TBC1D5: variants seen among roughly 807,000 people sequenced by gnomAD.
TBC1D5 encodes the protein TBC1 domain family, member 5.
TBC1D5 carries 75 observed loss-of-function variants against 100.3 expected under a neutral mutation model. That is an observed-to-expected ratio of 0.75 (90% CI 0.62 to 0.91). TBC1D5 has a LOEUF of 0.91. Among genes scored for constraint, TBC1D5 ranks in the 40% least tolerant of loss-of-function variants. The pLI, the probability that TBC1D5 is intolerant of heterozygous loss-of-function variation, is 0.00. For synonymous variants in TBC1D5, 323 were observed against 325.6 expected (o/e 0.99, Z 0.09); for missense variants, 910 against 942.4 (o/e 0.97, Z 0.45).
intron 17 of TBC1D5, among the ~76,000 whole-genome samples, chr3:17,217,360 C>G (rs1275669395): frequency 6.6e-6 from 1 of 152,048 alleles, no homozygotes; most frequent in Non-Finnish European, 1.5e-5. Flanking sequence ...TTTATGTGGA[C>G]ATATTGTTTC....
chr3:17,492,752 A>C (rs2095655066), intron 3 of TBC1D5, among the ~76,000 whole-genome samples: 1 of 152,136 alleles, frequency 6.6e-6, no homozygotes, highest in Non-Finnish European at 1.5e-5. Flanking sequence ...TTCCATCTTA[A>C]CACTGCTTCA....
intron 2 of TBC1D5, among the ~76,000 whole-genome samples, chr3:17,599,386 A>G (rs1439473308): frequency 6.6e-6 from 1 of 152,126 alleles, no homozygotes; most frequent in Admixed American, 6.5e-5. Context: ...GGTCGAGAGG[A>G]GTTCGGTTGG....
chr3:17,706,163 A>G, intron 1 of TBC1D5: 2 of 1,577,276 alleles, frequency 1.3e-6, no homozygotes, highest in South Asian at 2.3e-5. Context: ...TGGGGGAGAC[A>G]TCGGCAGGCA....
At chr3:17,468,647 T>C (rs1173747898) in intron 3 of TBC1D5, among the ~76,000 whole-genome samples, 1 of 152,142 alleles carries the variant, frequency 6.6e-6, no homozygotes, top group Non-Finnish European at 1.5e-5. Context: ...AACACAGCTG[T>C]AGAACTTAGA....
At chr3:17,676,323 G>A (rs575668229) in intron 1 of TBC1D5, among the ~76,000 whole-genome samples, 6 of 152,050 alleles carry the variant, frequency 3.9e-5, no homozygotes, top group South Asian at 2.1e-4. Flanking sequence ...CAAACTTAAC[G>A]TGCAAAAATC....
At chr3:17,493,595 C>T (rs540781642) in intron 3 of TBC1D5, among the ~76,000 whole-genome samples, 1 of 152,210 alleles carries the variant, frequency 6.6e-6, no homozygotes, top group South Asian at 2.1e-4. Flanking sequence ...TTACATAACC[C>T]CATAGTTCTC....
At chr3:17,692,648 T>A (rs2071342587) in intron 1 of TBC1D5, among the ~76,000 whole-genome samples, 1 of 152,170 alleles carries the variant, frequency 6.6e-6, no homozygotes, top group Admixed American at 6.5e-5. Context: ...GAAAATTAAT[T>A]TTTTTAAAAA....
chr3:17,643,381 A>G (rs1423359107), intron 1 of TBC1D5, among the ~76,000 whole-genome samples: 1 of 151,984 alleles, frequency 6.6e-6, no homozygotes, highest in Non-Finnish European at 1.5e-5. Flanking sequence ...CCATAAAGTT[A>G]CTATTTTTCT....
intron 3 of TBC1D5, among the ~76,000 whole-genome samples, chr3:17,440,924 G>A (rs2094640602): frequency 1.3e-5 from 2 of 152,112 alleles, no homozygotes; most frequent in South Asian, 4.1e-4. Flanking sequence ...TTATGGTCAT[G>A]AGCCACCGTG....
chr3:17,164,666 T>G (rs1575683920), intron 21 of TBC1D5, among the ~76,000 whole-genome samples: 1 of 152,280 alleles, frequency 6.6e-6, no homozygotes, highest in East Asian at 1.9e-4. Flanking sequence ...CTTAGCCAGC[T>G]CCAAGCACTG....
chr3:17,299,037 A>G (rs2082545022), intron 14 of TBC1D5, among the ~76,000 whole-genome samples: 1 of 152,246 alleles, frequency 6.6e-6, no homozygotes, highest in Admixed American at 6.5e-5. Flanking sequence ...ATGGTAAAAG[A>G]TTAGCAACAA....
chr3:17,542,951 A>T (rs1176318122), intron 2 of TBC1D5, among the ~76,000 whole-genome samples: 1 of 152,242 alleles, frequency 6.6e-6, no homozygotes, highest in Admixed American at 6.5e-5. Context: ...TTTCTTGAAC[A>T]TACTTGCTCA....
intron 13 of TBC1D5, among the ~76,000 whole-genome samples, chr3:17,322,722 T>C (rs906731170): frequency 6.6e-6 from 1 of 152,196 alleles, no homozygotes; most frequent in African/African-American, 2.4e-5. Context: ...CCTTAAGTGT[T>C]TGCTAAATAG....
chr3:17,384,045 G>C, intron 8 of TBC1D5, 30 bp from the exon 9 acceptor site: 1 of 1,539,638 alleles, frequency 6.5e-7, no homozygotes, highest in African/African-American at 1.4e-5. Context: ...GATTGAAACT[G>C]ACTAACACAG....
intron 14 of TBC1D5, among the ~76,000 whole-genome samples, chr3:17,303,995 G>C (rs544792241): frequency 6.6e-6 from 1 of 151,966 alleles, no homozygotes; most frequent in East Asian, 1.9e-4. Context: ...ACCCTACTCT[G>C]CCTCACTCAC....
intron 4 of TBC1D5, among the ~76,000 whole-genome samples, chr3:17,411,879 A>T (rs564409455): frequency 6.6e-6 from 1 of 152,162 alleles, no homozygotes; most frequent in African/African-American, 2.4e-5. Context: ...GGGTACTTAC[A>T]GTTCTAATTA....
At chr3:17,204,961 T>G (rs571897928) in intron 18 of TBC1D5, among the ~76,000 whole-genome samples, 34 of 152,332 alleles carry the variant, frequency 2.2e-4, no homozygotes, top group Non-Finnish European at 4.4e-4. Context: ...TATAGTCTAC[T>G]CTTCCTGACC....
At chr3:17,568,179 T>C (rs1260495316) in intron 2 of TBC1D5, among the ~76,000 whole-genome samples, 1 of 151,514 alleles carries the variant, frequency 6.6e-6, no homozygotes, top group Non-Finnish European at 1.5e-5. Flanking sequence ...GGCAACTGTT[T>C]AGGAAAAATT....
At chr3:17,613,456 G>A (rs1482881998) in intron 2 of TBC1D5, among the ~76,000 whole-genome samples, 3 of 152,154 alleles carry the variant, frequency 2.0e-5, no homozygotes, top group Non-Finnish European at 4.4e-5. Flanking sequence ...TTCAGGAATC[G>A]CCACACTGCC....
Sources: gnomAD v4.1 joint callset for allele counts (sites outside exome capture counted in the v4.1 genomes callset) on GRCh38, gnomAD v4.1.1 for gene constraint, MANE v1.5 for transcripts, NCBI Gene and HGNC (gene_info 2026-07-23, HGNC 2026-07-21) for gene names.